RAB38: variants seen among roughly 807,000 people sequenced by gnomAD.
RAB38 encodes ras-related protein Rab-38.
Under a neutral mutation model 18.4 loss-of-function variants are expected in RAB38, and 15 were observed. The observed-to-expected ratio is 0.82, with a 90% CI of 0.55 to 1.26. RAB38 has a LOEUF of 1.26. Ranked by LOEUF, RAB38 falls within the 50% of genes most tolerant of loss-of-function variation. The pLI is 0.00. For synonymous variants in RAB38, 101 were observed against 104.4 expected (o/e 0.97, Z 0.20); for missense variants, 294 against 267.4 (o/e 1.10, Z -0.69).
At chr11:88,044,141 G>A in the RAB38 span, among the ~76,000 whole-genome samples, 1 of 152,340 alleles carries the variant, frequency 6.6e-6, no homozygotes, top group East Asian at 1.9e-4. Context: ...ACGGACTCCA[G>A]AAGGCAGCCT....
At chr11:87,843,795 C>T in the RAB38 span, among the ~76,000 whole-genome samples, 4 of 152,122 alleles carry the variant, frequency 2.6e-5, no homozygotes, top group African/African-American at 9.7e-5. Flanking sequence ...AGCAAGGGTT[C>T]TAAGTCAAAG....
At chr11:87,877,723 C>T in the RAB38 span, among the ~76,000 whole-genome samples, 1 of 151,566 alleles carries the variant, frequency 6.6e-6, no homozygotes, top group African/African-American at 2.4e-5. Context: ...TTTCTTTTTC[C>T]AGTCTCTGTC....
At chr11:87,970,131 TG>T in the RAB38 span, among the ~76,000 whole-genome samples, 1 of 152,002 alleles carries the variant, frequency 6.6e-6, no homozygotes, top group African/African-American at 2.4e-5. Context: ...GAAACAGAGC[TG>T]GGGCTAATGT....
At chr11:88,033,657 T>C in the RAB38 span, among the ~76,000 whole-genome samples, 2 of 151,958 alleles carry the variant, frequency 1.3e-5, no homozygotes, top group African/African-American at 2.4e-5. Flanking sequence ...AATTTTATTA[T>C]GTTAAGTTTG....
At chr11:87,950,131 T>C in the RAB38 span, among the ~76,000 whole-genome samples, 9 of 152,214 alleles carry the variant, frequency 5.9e-5, no homozygotes, top group Admixed American at 5.9e-4. Context: ...ATTGATCCCT[T>C]TACCATTATG....
chr11:87,945,205 T>C, the RAB38 span, among the ~76,000 whole-genome samples: 13 of 152,310 alleles, frequency 8.5e-5, no homozygotes, highest in East Asian at 1.9e-3. Flanking sequence ...TTGTATTGTA[T>C]CTGATTATGA....
the RAB38 span, among the ~76,000 whole-genome samples, chr11:87,943,531 A>C: frequency 6.6e-6 from 1 of 152,126 alleles, no homozygotes; most frequent in Non-Finnish European, 1.5e-5. Context: ...GATTGATAGA[A>C]AATAAGGTCT....
the RAB38 span, among the ~76,000 whole-genome samples, chr11:87,886,827 T>TG: frequency 4.0e-5 from 6 of 151,034 alleles, no homozygotes; most frequent in South Asian, 2.1e-4. Flanking sequence ...AGCACTTGTT[T>TG]TTTTTTTTTT....
the RAB38 span, among the ~76,000 whole-genome samples, chr11:87,952,011 G>A: frequency 1.3e-4 from 20 of 152,124 alleles, no homozygotes; most frequent in Middle Eastern, 3.2e-3. Context: ...GGCCATCCTT[G>A]GCTCCTCCCC....
At chr11:87,830,744 C>T in the RAB38 span, among the ~76,000 whole-genome samples, 2 of 151,668 alleles carry the variant, frequency 1.3e-5, no homozygotes, top group Non-Finnish European at 2.9e-5. Flanking sequence ...AGATATTACC[C>T]ATCATTTTAT....
chr11:87,846,742 T>C, the RAB38 span, among the ~76,000 whole-genome samples: 1 of 152,032 alleles, frequency 6.6e-6, no homozygotes, highest in South Asian at 2.1e-4. Flanking sequence ...AGAATATATA[T>C]TGGTCTCAAG....
the RAB38 span, among the ~76,000 whole-genome samples, chr11:87,950,915 G>A: frequency 1.3e-5 from 2 of 152,104 alleles, no homozygotes; most frequent in Non-Finnish European, 2.9e-5. Flanking sequence ...TGTATTTCCT[G>A]AATCTGAATG....
the RAB38 span, among the ~76,000 whole-genome samples, chr11:87,829,709 T>C: frequency 6.6e-6 from 1 of 152,142 alleles, no homozygotes; most frequent in Admixed American, 6.6e-5. Context: ...AATACAAGTT[T>C]AAATTATTTT....
chr11:87,828,469 A>C, the RAB38 span, among the ~76,000 whole-genome samples: 2 of 152,218 alleles, frequency 1.3e-5, no homozygotes, highest in East Asian at 1.9e-4. Flanking sequence ...TGTACTGCAG[A>C]CAATGGGTTT....
the RAB38 span, chr11:88,060,078 C>T: frequency 6.6e-6 from 1 of 152,206 alleles, no homozygotes; most frequent in Non-Finnish European, 1.5e-5. Flanking sequence ...TGTTCAGCTC[C>T]TCTTAAAGTG....
At chr11:88,108,397 T>G (rs2134757236), downstream of RAB38, among the ~76,000 whole-genome samples, 1 of 152,316 alleles carries the variant, frequency 6.6e-6, no homozygotes, top group African/African-American at 2.4e-5. Context: ...TTTTTTGATA[T>G]TTGTTGGTTT....
chr11:88,041,249 G>T, the RAB38 span, among the ~76,000 whole-genome samples: 4 of 152,212 alleles, frequency 2.6e-5, no homozygotes, highest in East Asian at 7.7e-4. Flanking sequence ...TTAAATATCT[G>T]TCCTCACCTG....
the RAB38 span, among the ~76,000 whole-genome samples, chr11:87,920,994 G>A: frequency 6.6e-6 from 1 of 152,004 alleles, no homozygotes; most frequent in Non-Finnish European, 1.5e-5. Flanking sequence ...CCAAGGGGCT[G>A]GCATCTGGCA....
At chr11:88,044,019 T>A in the RAB38 span, among the ~76,000 whole-genome samples, 4 of 152,228 alleles carry the variant, frequency 2.6e-5, no homozygotes, top group Non-Finnish European at 5.9e-5. Context: ...CTCCTTTTAA[T>A]CTTAGTGCCA....
Sources: allele counts gnomAD v4.1 joint callset (sites outside exome capture counted in the v4.1 genomes callset), GRCh38; gene constraint gnomAD v4.1.1; transcripts MANE v1.5; gene names NCBI Gene and HGNC (gene_info 2026-07-23, HGNC 2026-07-21).